RAD51B: variants seen among roughly 807,000 people sequenced by gnomAD.
The protein encoded by RAD51B is DNA repair protein RAD51 homolog 2.
In RAD51B, 38 loss-of-function variants were observed where a neutral mutation model predicts 42.2. That is an observed-to-expected ratio of 0.90 (90% CI 0.70 to 1.18). The LOEUF is 1.18. Ranked by LOEUF, RAD51B falls within the 50% of genes most tolerant of loss-of-function variation. RAD51B has a pLI of 0.00. For missense variants in RAD51B, 373 were observed against 400.7 expected (o/e 0.93, Z 0.59); for synonymous variants, 154 against 145.2 (o/e 1.06, Z -0.43).
intron 7 of RAD51B, among the ~76,000 whole-genome samples, chr14:68,164,658 A>G (rs1403831318): frequency 6.6e-6 from 1 of 152,182 alleles, no homozygotes; most frequent in Admixed American, 6.5e-5. Context: ...GAAGTGGGAA[A>G]ACAGCTTTGG....
At chr14:68,091,549 A>AT (rs1326456465) in intron 7 of RAD51B, among the ~76,000 whole-genome samples, 2 of 149,688 alleles carry the variant, frequency 1.3e-5, no homozygotes, top group Admixed American at 1.3e-4. Flanking sequence ...TGATGGGGTT[A>AT]TTTTTTTCTT....
At chr14:67,975,868 G>T (rs1328228056) in intron 7 of RAD51B, among the ~76,000 whole-genome samples, 1 of 152,164 alleles carries the variant, frequency 6.6e-6, no homozygotes, top group Non-Finnish European at 1.5e-5. Flanking sequence ...CAGCTTTAGG[G>T]TAAACTTGAT....
intron 7 of RAD51B, among the ~76,000 whole-genome samples, chr14:68,093,960 C>T (rs1323802506): frequency 6.6e-6 from 1 of 152,170 alleles, no homozygotes; most frequent in Non-Finnish European, 1.5e-5. Context: ...GTCTGCAGCC[C>T]ACCAGTTGTG....
chr14:68,219,663 G>A (rs1344615601), intron 7 of RAD51B, among the ~76,000 whole-genome samples: 4 of 152,050 alleles, frequency 2.6e-5, no homozygotes, highest in East Asian at 3.9e-4. Context: ...GGAGCACCCC[G>A]TGTCCCAAAG....
At chr14:67,919,289 C>A (rs945721567) in intron 7 of RAD51B, among the ~76,000 whole-genome samples, 1 of 152,056 alleles carries the variant, frequency 6.6e-6, no homozygotes, top group African/African-American at 2.4e-5. Context: ...AATATGCCTC[C>A]CCAAAATGTG....
intron 7 of RAD51B, among the ~76,000 whole-genome samples, chr14:67,905,236 G>A (rs2043745100): frequency 6.6e-6 from 1 of 152,016 alleles, no homozygotes; most frequent in South Asian, 2.1e-4. Context: ...TTGTAGGTAT[G>A]TGGCTTTATT....
chr14:68,116,911 T>C (rs7148799), intron 7 of RAD51B, among the ~76,000 whole-genome samples: 15,203 of 152,246 alleles, frequency 0.1, 2,272 homozygotes, highest in African/African-American at 0.33. Flanking sequence ...TGAGCACATT[T>C]GAGGAATTTG....
intron 10 of RAD51B, among the ~76,000 whole-genome samples, chr14:68,630,941 G>C (rs1238876390): frequency 6.6e-6 from 1 of 152,136 alleles, no homozygotes; most frequent in African/African-American, 2.4e-5. Flanking sequence ...TGGCATTTTG[G>C]CCCTATTATT....
chr14:68,334,651 T>C (rs1488197609), intron 8 of RAD51B, among the ~76,000 whole-genome samples: 2 of 152,112 alleles, frequency 1.3e-5, no homozygotes, highest in Non-Finnish European at 2.9e-5. Context: ...TTTTATCCAT[T>C]CATCTGTTGA....
At chr14:67,967,796 G>A (rs141624256) in intron 7 of RAD51B, among the ~76,000 whole-genome samples, 5,487 of 152,214 alleles carry the variant, frequency 0.036, 183 homozygotes, top group Admixed American at 0.11. Context: ...GCAAGCTGTC[G>A]GTGGATCTAC....
At chr14:68,526,188 C>A (rs1248550194) in intron 10 of RAD51B, among the ~76,000 whole-genome samples, 1 of 152,158 alleles carries the variant, frequency 6.6e-6, no homozygotes, top group South Asian at 2.1e-4. Flanking sequence ...TTGTTTCTAT[C>A]GTTGTTATTA....
chr14:67,907,325 G>T (rs552829705), intron 7 of RAD51B, among the ~76,000 whole-genome samples: 6 of 151,866 alleles, frequency 4.0e-5, no homozygotes, highest in Non-Finnish European at 8.8e-5. Flanking sequence ...TGTGATGTTA[G>T]GTTGTTAATT....
chr14:68,195,957 G>T (rs1256062159), intron 7 of RAD51B, among the ~76,000 whole-genome samples: 2 of 147,816 alleles, frequency 1.4e-5, no homozygotes, highest in African/African-American at 2.5e-5. Context: ...AATGGCTCAT[G>T]CCTGTAATCC....
chr14:68,254,978 T>A (rs2080722014), intron 7 of RAD51B, among the ~76,000 whole-genome samples: 1 of 152,198 alleles, frequency 6.6e-6, no homozygotes, highest in Non-Finnish European at 1.5e-5. Context: ...CTCTTTATAG[T>A]CCTAAAGAGA....
At chr14:68,555,576 G>C (rs907699297) in intron 10 of RAD51B, among the ~76,000 whole-genome samples, 5 of 152,182 alleles carry the variant, frequency 3.3e-5, no homozygotes, top group African/African-American at 1.2e-4. Flanking sequence ...CCTGCCTTTG[G>C]GGACAGCAGG....
At chr14:68,674,801 C>T (rs1001181523) in intron 11 of RAD51B, among the ~76,000 whole-genome samples, 10 of 152,098 alleles carry the variant, frequency 6.6e-5, no homozygotes, top group Non-Finnish European at 1.5e-4. Context: ...GCGTCTTAAA[C>T]CACTGTTCCC....
intron 3 of RAD51B, among the ~76,000 whole-genome samples, chr14:67,830,879 GT>G (rs2041013739): frequency 1.4e-5 from 2 of 144,002 alleles, no homozygotes. Context: ...ATTCAATTTA[GT>G]ACTTGTGTAA....
At chr14:68,261,428 A>G (rs948647851) in intron 7 of RAD51B, among the ~76,000 whole-genome samples, 1 of 152,202 alleles carries the variant, frequency 6.6e-6, no homozygotes, top group African/African-American at 2.4e-5. Context: ...GTGGGAGTTG[A>G]GGTGAAAGAT....
chr14:68,293,032 T>A (rs1431904521), intron 8 of RAD51B, among the ~76,000 whole-genome samples: 1 of 152,198 alleles, frequency 6.6e-6, no homozygotes, highest in East Asian at 1.9e-4. Context: ...CTTTGTCCCC[T>A]CTTTTTTGTA....
Sources: allele counts gnomAD v4.1 joint callset (sites outside exome capture counted in the v4.1 genomes callset), GRCh38; gene constraint gnomAD v4.1.1; transcripts MANE v1.5; gene names NCBI Gene and HGNC (gene_info 2026-07-23, HGNC 2026-07-21).